Variants in IL1RL1 observed in about 807,000 individuals in gnomAD.
The protein encoded by IL1RL1 is interleukin-1 receptor-like 1.
In IL1RL1, 32 loss-of-function variants were observed where a neutral mutation model predicts 50.9. The observed-to-expected ratio is 0.63, with a 90% CI of 0.47 to 0.84. The LOEUF (loss-of-function observed/expected upper bound fraction) is 0.84. Ranked by LOEUF, IL1RL1 falls within the 40% of genes least tolerant of loss-of-function variation. IL1RL1 has a pLI of 0.00. For synonymous variants in IL1RL1, 275 were observed against 236.0 expected, an observed-to-expected ratio of 1.17 and a Z score of -1.51; for missense variants, 773 against 662.9, an observed-to-expected ratio of 1.17 and a Z score of -1.82.
rs772424657 is a variant in IL1RL1 at position 102,348,106 on chromosome 2, C to A, written c.1117+15C>A. 1 of 1,598,348 alleles carries A rather than the reference C, an allele frequency of 6.3e-7. No individual in the cohort carries two copies. The highest frequency in any genetic ancestry group is 1.1e-5 in the South Asian group (1 of 88,612). On this transcript the variant is annotated intron_variant, in intron 9 of 10. Coordinates refer to ENST00000233954, the MANE Select transcript of IL1RL1 (RefSeq NM_016232.5). ...GACTAGGAATGGTAAGTGGCAAATA[C>A]CAAGTTTTTCTCCCAAAGAAAAAGT...
chr2:102,341,989 A>T (rs1677582228), intron 5 of IL1RL1, among the ~76,000 whole-genome samples: 1 of 151,950 alleles, frequency 6.6e-6, no homozygotes, highest in East Asian at 1.9e-4. Flanking sequence ...GAGAATAATG[A>T]TATTAAAGAG....
In IL1RL1 at chr2:102,344,401, G is replaced by A. The variant is rs1022135574; in HGVS notation, c.970+986G>A. 1.7e-4 allele frequency: 157 copies of A among 949,854 alleles called. No homozygotes were observed. In the Middle Eastern group the frequency reaches 2.2e-3, roughly 13 times the overall value. The allele number at this position is 949,854 out of a possible 1,614,324, so 58.8% of individuals were successfully genotyped here. ...TATTTAAGGTACATGGAACACACGG[G>A]AAGTCTGGTAGCTCAGCCCATTTCT... is the stretch of plus-strand genomic sequence containing the variant. On this transcript the variant is annotated intron_variant, in intron 8 of 10. Coordinates refer to ENST00000233954, the MANE Select transcript of IL1RL1 (RefSeq NM_016232.5).
chr2:102,342,546 C>A (rs183135301), intron 6 of IL1RL1, among the ~76,000 whole-genome samples: 133 of 152,270 alleles, frequency 8.7e-4, no homozygotes, highest in African/African-American at 3.0e-3. Context: ...CATCTAATTT[C>A]ATCTTCATCT....
At chr2:102,327,960 A>G (rs1026086563) in intron 1 of IL1RL1, among the ~76,000 whole-genome samples, 4 of 152,230 alleles carry the variant, frequency 2.6e-5, no homozygotes, top group South Asian at 2.1e-4. Flanking sequence ...TTCTGAAACT[A>G]TTCCAATCAA....
intron 1 of IL1RL1, among the ~76,000 whole-genome samples, chr2:102,316,354 G>A (rs79144324): frequency 0.1 from 15,929 of 152,006 alleles, 889 homozygotes; most frequent in Non-Finnish European, 0.13. Flanking sequence ...CTTATTTCCC[G>A]AACCTCATCT....
chr2:102,350,523 T>C (rs1223874614), intron 10 of IL1RL1, among the ~76,000 whole-genome samples: 1 of 152,268 alleles, frequency 6.6e-6, no homozygotes, highest in Non-Finnish European at 1.5e-5. Context: ...CACTCTTCAC[T>C]TAGGAAAGTT....
At chr2:102,326,147 T>C (rs1022814346) in intron 1 of IL1RL1, among the ~76,000 whole-genome samples, 1 of 152,208 alleles carries the variant, frequency 6.6e-6, no homozygotes, top group Non-Finnish European at 1.5e-5. Flanking sequence ...GACTAAAAGC[T>C]GATCTCTTGG....
At chr2:102,340,571 C>A (rs1281398526) in intron 4 of IL1RL1, 95 bp from the exon 5 acceptor site, 37 of 1,273,506 alleles carry the variant, frequency 2.9e-5, no homozygotes, top group Non-Finnish European at 3.9e-5. Flanking sequence ...CCAGATTGCA[C>A]CACTCACTCC....
intron 1 of IL1RL1, among the ~76,000 whole-genome samples, chr2:102,311,936 A>ATGT (rs1676500226): frequency 4.3e-5 from 2 of 46,198 alleles, no homozygotes; most frequent in African/African-American, 8.9e-5. Flanking sequence ...TATATATTAT[A>ATGT]TATAATATTA....
Position 102,318,748 on chromosome 2 carries a change from G to A in IL1RL1, c.-150+7125G>A, listed in dbSNP as rs78535598. On this transcript the variant is annotated intron_variant, in intron 1 of 10. Transcript: ENST00000233954. ...TGTGAAGCAGTAGCCTGTGGGTCCTGAAGAAAGATGTTGGAGAAATTGTTC... is the reference window on the plus strand; with the variant it reads ...TGTGAAGCAGTAGCCTGTGGGTCCTAAAGAAAGATGTTGGAGAAATTGTTC... Among the ~76,000 whole-genome samples the A allele has an allele frequency of 3.1e-3, 466 of 152,280 alleles. 3 individuals are homozygous for A. The East Asian group carries it at 0.032, about 11-fold the overall frequency.
At chr2:102,318,931 A>G (rs1676757388) in intron 1 of IL1RL1, among the ~76,000 whole-genome samples, 2 of 152,224 alleles carry the variant, frequency 1.3e-5, no homozygotes, top group South Asian at 4.1e-4. Flanking sequence ...GAAACAAGTA[A>G]TGCAATGTTT....
At chr2:102,345,194 A>T in intron 8 of IL1RL1, 1 of 976,064 alleles carries the variant, frequency 1.0e-6, no homozygotes, top group Non-Finnish European at 1.2e-6. Context: ...AACATCAGAG[A>T]TGAAGTGCTC....
chr2:102,318,465 A>G (rs970161955), intron 1 of IL1RL1, among the ~76,000 whole-genome samples: 2 of 152,152 alleles, frequency 1.3e-5, no homozygotes, highest in Admixed American at 6.5e-5. Flanking sequence ...TGGGAGAAGA[A>G]CAGGGATTCA....
chr2:102,346,293 T>A (rs1004602984), intron 8 of IL1RL1, among the ~76,000 whole-genome samples: 4 of 152,216 alleles, frequency 2.6e-5, no homozygotes, highest in African/African-American at 9.7e-5. Context: ...ATTTTACATT[T>A]AACTTTCTCA....
intron 1 of IL1RL1, among the ~76,000 whole-genome samples, chr2:102,317,509 T>C (rs1336942895): frequency 1.3e-5 from 2 of 152,182 alleles, no homozygotes; most frequent in African/African-American, 2.4e-5. Flanking sequence ...TGTTCCTTAT[T>C]AGACTTTCTC....
rs1463906627 is a variant in IL1RL1, at chr2:102,312,027, ATTATATAT to A, written c.-150+406_-150+413del. 3.1e-4 allele frequency among the ~76,000 whole-genome samples: 19 copies of A among 61,092 alleles called. 1 individual carries two copies. The highest frequency in any genetic ancestry group is 0.014 in the Middle Eastern group (1 of 72). The allele number at this position is 61,092 out of a possible 152,430, so 40.1% of individuals were successfully genotyped here. On this transcript the variant is annotated intron_variant, in intron 1 of 10. Coordinates refer to ENST00000233954, the MANE Select transcript of IL1RL1 (RefSeq NM_016232.5). ...TTTATATATATTATATATAATATATATTATATATTAAATATTATATATATAATATATAT... is the reference window on the plus strand; with the variant it reads ...TTTATATATATTATATATAATATATATAAATATTATATATATAATATATAT...
In IL1RL1 at chr2:102,333,645, G is replaced by T. The variant is rs1677232460; in HGVS notation, c.-149-4471G>T. ...GATTCTAAGGTACATGTACTTGTTT[G>T]TTACAAAGGTATATTGCATTACTGG... On this transcript the variant is annotated intron_variant, in intron 1 of 10. Transcript: ENST00000233954. Among the ~76,000 whole-genome samples, 7 of 152,054 alleles carry T rather than the reference G, an allele frequency of 4.6e-5. No individual in the cohort carries two copies. In the South Asian group the frequency reaches 1.5e-3, roughly 32 times the overall value.
chr2:102,346,829 C>T (rs994494441), intron 8 of IL1RL1, among the ~76,000 whole-genome samples: 1 of 152,130 alleles, frequency 6.6e-6, no homozygotes, highest in South Asian at 2.1e-4. Flanking sequence ...TGAATATGGG[C>T]CAGTGATTTT....
chr2:102,349,410 G>A (rs561973502), intron 10 of IL1RL1, among the ~76,000 whole-genome samples, 164 bp downstream of exon 10: 4 of 152,138 alleles, frequency 2.6e-5, no homozygotes, highest in African/African-American at 4.8e-5. Context: ...TCCTTCAATC[G>A]CCCCTCTCCC....
Sources: gnomAD v4.1 joint callset for allele counts (sites outside exome capture counted in the v4.1 genomes callset) on GRCh38, gnomAD v4.1.1 for gene constraint, MANE v1.5 for transcripts, NCBI Gene and HGNC (gene_info 2026-07-23, HGNC 2026-07-21) for gene names.